SMCHD1: variants seen among roughly 807,000 people sequenced by gnomAD.
SMCHD1 encodes the protein structural maintenance of chromosomes flexible hinge domain-containing protein 1.
A neutral mutation model predicts 254.7 loss-of-function variants in SMCHD1; 78 were observed. The observed-to-expected ratio is 0.31, with a 90% confidence interval of 0.26 to 0.37. The LOEUF (loss-of-function observed/expected upper bound fraction) is 0.37. SMCHD1 is among the 10% of genes least tolerant of loss of function. SMCHD1 has a pLI of 1.00. For missense variants in SMCHD1, 1,840 were observed against 2,408.1 expected, an observed-to-expected ratio of 0.76 and a Z score of 4.94; for synonymous variants, 766 against 794.9, an observed-to-expected ratio of 0.96 and a Z score of 0.61.
intron 45 of SMCHD1, among the ~76,000 whole-genome samples, chr18:2,793,668 A>G (rs2076210012): frequency 6.8e-6 from 1 of 146,094 alleles, no homozygotes; most frequent in Non-Finnish European, 1.5e-5. Flanking sequence ...AAAAAAAAAA[A>G]AAAGAAAGAA....
chr18:2,725,034 A>G (rs1301537563), intron 21 of SMCHD1, 39 bp downstream of exon 21: 3 of 1,179,600 alleles, frequency 2.5e-6, no homozygotes, highest in Middle Eastern at 2.1e-4. Context: ...CTTGTTAAGT[A>G]TTTATTTATC....
chr18:2,796,252 A>G, intron 46 of SMCHD1, 145 bp downstream of exon 46: 1 of 878,852 alleles, frequency 1.1e-6, no homozygotes, highest in South Asian at 1.9e-5. Context: ...TATCTGATAA[A>G]TGGTTATAAA....
At chr18:2,698,533 T>G (rs2074332531) in intron 10 of SMCHD1, among the ~76,000 whole-genome samples, 1 of 152,048 alleles carries the variant, frequency 6.6e-6, no homozygotes, top group Non-Finnish European at 1.5e-5. Context: ...GGGTTTTATT[T>G]ATTTATTTAA....
At chr18:2,659,911 T>C (rs1414364156) in intron 1 of SMCHD1, among the ~76,000 whole-genome samples, 2 of 152,146 alleles carry the variant, frequency 1.3e-5, no homozygotes, top group Non-Finnish European at 2.9e-5. Context: ...GACTAATCCA[T>C]GGATGAAAAT....
At chr18:2,764,531 T>C (rs779961175) in intron 37 of SMCHD1, among the ~76,000 whole-genome samples, 15 of 152,212 alleles carry the variant, frequency 9.9e-5, no homozygotes, top group Non-Finnish European at 1.6e-4. Context: ...CCATTAGCTT[T>C]CTTCTATGTA....
At chr18:2,669,319 G>T (rs1488052800) in intron 3 of SMCHD1, among the ~76,000 whole-genome samples, 4 of 152,136 alleles carry the variant, frequency 2.6e-5, no homozygotes, top group Admixed American at 6.5e-5. Flanking sequence ...CTGCACTTCA[G>T]TCTGGGCAAC....
rs1568365952 is a variant in SMCHD1, at chr18:2,775,970, G to A, written c.5366+46G>A. ...ATTTTTTTTCTGAAATATATTTTCT[G>A]TTTTTTATCAAAGCCTTGAATTTAA... On this transcript the variant is annotated intron_variant, in intron 42 of 47. Transcript: ENST00000320876. 2.1e-6 allele frequency: 3 copies of A among 1,431,748 alleles called. No individual in the cohort carries two copies. The South Asian group carries it at 4.1e-5, about 20-fold the overall frequency. 88.7% of individuals were successfully genotyped at this position (1,431,748 alleles called of 1,614,324 possible). A position where few individuals can be genotyped will look rare whatever the true frequency, so the allele number is the denominator to read the frequency against.
chr18:2,721,163 T>G (rs2074918331), intron 19 of SMCHD1, among the ~76,000 whole-genome samples: 1 of 152,216 alleles, frequency 6.6e-6, no homozygotes, highest in Admixed American at 6.5e-5. Flanking sequence ...GTGAATCAGA[T>G]TCAGTCTCTG....
At chr18:2,728,830 CCT>C (rs2075077580) in intron 23 of SMCHD1, 1 of 397,118 alleles carries the variant, frequency 2.5e-6, no homozygotes, top group Non-Finnish European at 4.4e-6. Context: ...ACTCACCTCT[CCT>C]CTCTTGACTC....
intron 43 of SMCHD1, 99 bp from the exon 44 acceptor site, chr18:2,778,070 C>A: frequency 9.8e-7 from 1 of 1,017,494 alleles, no homozygotes; most frequent in Non-Finnish European, 1.4e-6. Context: ...AGAACGAATA[C>A]TAGCACTCTT....
At chr18:2,663,924 C>T (rs916067534) in intron 1 of SMCHD1, among the ~76,000 whole-genome samples, 4 of 152,030 alleles carry the variant, frequency 2.6e-5, no homozygotes, top group African/African-American at 9.7e-5. Flanking sequence ...ACCGTGTTAG[C>T]CAGGATGGTC....
chr18:2,762,904 A>AT (rs918422660), intron 36 of SMCHD1, among the ~76,000 whole-genome samples: 7 of 152,030 alleles, frequency 4.6e-5, no homozygotes, highest in South Asian at 2.1e-4. Flanking sequence ...GGACATAAGT[A>AT]TTTTTTTTAA....
chr18:2,658,908 GCATATATA>G (rs1162064878), intron 1 of SMCHD1, among the ~76,000 whole-genome samples: 5 of 148,190 alleles, frequency 3.4e-5, no homozygotes, highest in African/African-American at 5.0e-5. Context: ...ACGTGTATAC[GCATATATA>G]CATATATACA....
chr18:2,794,782 T>G (rs2076228593), intron 45 of SMCHD1, among the ~76,000 whole-genome samples: 2 of 152,208 alleles, frequency 1.3e-5, no homozygotes, highest in Admixed American at 6.5e-5. Context: ...AACCTACAGA[T>G]TAAACATTGT....
At chr18:2,791,157 A>G (rs1056673900) in intron 45 of SMCHD1, among the ~76,000 whole-genome samples, 1 of 152,248 alleles carries the variant, frequency 6.6e-6, no homozygotes, top group Non-Finnish European at 1.5e-5. Context: ...AACAACAAGA[A>G]TAAGTTTTAA....
At chr18:2,727,909 C>T (rs771182712) in intron 22 of SMCHD1, among the ~76,000 whole-genome samples, 25 of 152,056 alleles carry the variant, frequency 1.6e-4, no homozygotes, top group African/African-American at 4.6e-4. Flanking sequence ...TGTTTATGAA[C>T]GAATCAGACT....
Position 2,760,758 on chromosome 18 carries a change from T to A in SMCHD1, c.4434+19T>A, listed in dbSNP as rs1176224562. 7.1e-7 allele frequency: 1 copy of A among 1,417,378 alleles called. No individual in the cohort carries two copies. Among genetic ancestry groups the A allele is most frequent in the South Asian group, 1.2e-5 (1 of 84,014 alleles). 87.8% of individuals were successfully genotyped at this position (1,417,378 alleles called of 1,614,324 possible). ...TGAACAGGTTTGCTTACTTTTTTTA[T>A]ATACCACAGTTAGCTTTACATTTTC... On this transcript the variant is annotated intron_variant, in intron 35 of 47. Coordinates refer to ENST00000320876, the MANE Select transcript of SMCHD1 (RefSeq NM_015295.3).
chr18:2,680,076 T>C (rs1038277153), intron 5 of SMCHD1, among the ~76,000 whole-genome samples: 2 of 152,156 alleles, frequency 1.3e-5, no homozygotes, highest in African/African-American at 4.8e-5. Context: ...ACTGATACTC[T>C]CTGTTTGGTG....
chr18:2,768,051 T>G (rs952790503), intron 37 of SMCHD1, among the ~76,000 whole-genome samples: 1 of 152,140 alleles, frequency 6.6e-6, no homozygotes, highest in African/African-American at 2.4e-5. Flanking sequence ...CATGTGGTCC[T>G]TTGTTAGTGA....
Sources: gnomAD v4.1 joint callset for allele counts (sites outside exome capture counted in the v4.1 genomes callset) on GRCh38, gnomAD v4.1.1 for gene constraint, MANE v1.5 for transcripts, NCBI Gene and HGNC (gene_info 2026-07-23, HGNC 2026-07-21) for gene names.